The following FAF1 variants were observed in gnomAD, a reference collection of about 807,000 sequenced individuals.
FAF1 encodes the protein FAS-associated factor 1.
A neutral mutation model predicts 92.5 loss-of-function variants in FAF1; 25 were observed. That is an observed-to-expected ratio of 0.27 (90% CI 0.20 to 0.38). The LOEUF (loss-of-function observed/expected upper bound fraction) is 0.38. Ranked by LOEUF, FAF1 falls within the 10% of genes least tolerant of loss-of-function variation. FAF1 has a pLI of 1.00. For synonymous variants in FAF1, 234 were observed against 273.2 expected, an observed-to-expected ratio of 0.86 and a Z score of 1.42; for missense variants, 636 against 793.3, an observed-to-expected ratio of 0.80 and a Z score of 2.38.
chr1:50,887,761 T>C (rs974063061), intron 1 of FAF1, among the ~76,000 whole-genome samples: 5 of 152,258 alleles, frequency 3.3e-5, no homozygotes, highest in Admixed American at 1.3e-4. Context: ...ACCAGTACCA[T>C]GCTGTTTTGG....
chr1:50,797,875 G>A (rs528184302), intron 3 of FAF1, among the ~76,000 whole-genome samples: 6 of 152,196 alleles, frequency 3.9e-5, no homozygotes, highest in Middle Eastern at 3.4e-3. Flanking sequence ...CGATTTGGAA[G>A]CTCTATGTAG....
intron 15 of FAF1, among the ~76,000 whole-genome samples, chr1:50,507,776 G>C (rs542343158): frequency 6.6e-6 from 1 of 152,122 alleles, no homozygotes; most frequent in African/African-American, 2.4e-5. Context: ...AGCAGTGAAA[G>C]GTTTTTAAAA....
At chr1:50,767,006 T>C (rs1405718584) in intron 4 of FAF1, among the ~76,000 whole-genome samples, 21 of 152,002 alleles carry the variant, frequency 1.4e-4, no homozygotes. Context: ...ATTCAGAATA[T>C]GGATAAGAAT....
At chr1:50,760,887 A>G (rs1438669152) in intron 4 of FAF1, among the ~76,000 whole-genome samples, 4 of 152,122 alleles carry the variant, frequency 2.6e-5, no homozygotes, top group Non-Finnish European at 5.9e-5. Flanking sequence ...CAAAAAATTA[A>G]TGAATCCAGG....
At chr1:50,899,946 A>T (rs1422863706) in intron 1 of FAF1, among the ~76,000 whole-genome samples, 1 of 152,190 alleles carries the variant, frequency 6.6e-6, no homozygotes, top group South Asian at 2.1e-4. Context: ...CATTTATTAT[A>T]AAGTATTTTC....
intron 2 of FAF1, among the ~76,000 whole-genome samples, chr1:50,818,128 G>A (rs1327361981): frequency 2.0e-5 from 3 of 152,092 alleles, no homozygotes; most frequent in Non-Finnish European, 4.4e-5. Flanking sequence ...TTTTACAGTG[G>A]AAATGAGTTT....
intron 1 of FAF1, among the ~76,000 whole-genome samples, chr1:50,904,035 T>G (rs1173764227): frequency 6.6e-6 from 1 of 152,176 alleles, no homozygotes; most frequent in Non-Finnish European, 1.5e-5. Context: ...TTCCAAAAAC[T>G]AAATGAAAAC....
chr1:50,866,087 A>T (rs1223785749), intron 1 of FAF1, among the ~76,000 whole-genome samples: 1 of 152,156 alleles, frequency 6.6e-6, no homozygotes, highest in East Asian at 1.9e-4. Flanking sequence ...AAACAAAATT[A>T]AAAACAAACA....
At chr1:50,931,843 C>T (rs1262060346) in intron 1 of FAF1, among the ~76,000 whole-genome samples, 1 of 150,752 alleles carries the variant, frequency 6.6e-6, no homozygotes, top group Non-Finnish European at 1.5e-5. Context: ...CACTGCACTC[C>T]AGCCTGGGTG....
intron 1 of FAF1, among the ~76,000 whole-genome samples, chr1:50,920,855 G>A (rs2124732480): frequency 6.6e-6 from 1 of 152,188 alleles, no homozygotes; most frequent in African/African-American, 2.4e-5. Flanking sequence ...TAGGAAAAAG[G>A]TAAGAATGTA....
At chr1:50,479,207 C>G (rs1441351100) in intron 17 of FAF1, among the ~76,000 whole-genome samples, 1 of 152,200 alleles carries the variant, frequency 6.6e-6, no homozygotes, top group African/African-American at 2.4e-5. Context: ...TCACAGCATC[C>G]TTCTATAAGA....
intron 2 of FAF1, among the ~76,000 whole-genome samples, chr1:50,824,761 C>T (rs1644079620): frequency 1.3e-5 from 2 of 152,024 alleles, no homozygotes; most frequent in Admixed American, 1.3e-4. Context: ...GAATATGATT[C>T]AGCCTTAAAA....
chr1:50,586,980 T>C (rs987316240), intron 9 of FAF1, among the ~76,000 whole-genome samples: 11 of 152,222 alleles, frequency 7.2e-5, no homozygotes, highest in African/African-American at 2.7e-4. Flanking sequence ...TCACATCCTC[T>C]ATCAGGTAAG....
rs551475209 is a variant in FAF1, at chr1:50,821,227, G to T, written c.115-19550C>A. The stretch of plus-strand genomic sequence containing the variant: ...CTTTAAAAAAAATCTATTTTGTTGT[G>T]TGTTATATGCCAGTGGAGCATAAAT... On this transcript the variant is annotated intron_variant, in intron 2 of 18. Transcript: ENST00000396153. Among the ~76,000 whole-genome samples, 4 of 152,290 alleles carry T rather than the reference G, an allele frequency of 2.6e-5. No individual in the cohort carries two copies. In the South Asian group the frequency reaches 8.3e-4, roughly 32 times the overall value.
At chr1:50,705,676 T>C (rs1657644707) in intron 7 of FAF1, 110 bp downstream of exon 7, 2 of 560,072 alleles carry the variant, frequency 3.6e-6, no homozygotes, top group African/African-American at 1.9e-5. Context: ...AAGAACCCAA[T>C]AATGAAACAT....
chr1:50,867,464 A>G (rs1336124877), intron 1 of FAF1, among the ~76,000 whole-genome samples: 1 of 152,158 alleles, frequency 6.6e-6, no homozygotes, highest in African/African-American at 2.4e-5. Flanking sequence ...TCTGGAATCT[A>G]TAAGGAACTC....
intron 12 of FAF1, among the ~76,000 whole-genome samples, chr1:50,576,345 A>T (rs1231623830): frequency 2.0e-5 from 3 of 152,152 alleles, no homozygotes; most frequent in Non-Finnish European, 4.4e-5. Context: ...CCCTTAATTT[A>T]TGTATAATAT....
At chr1:50,581,693 G>A (rs1650992317) in intron 12 of FAF1, among the ~76,000 whole-genome samples, 3 of 152,178 alleles carry the variant, frequency 2.0e-5, no homozygotes, top group African/African-American at 7.2e-5. Context: ...GAGAAGGGGA[G>A]GAGGTGGAAA....
intron 4 of FAF1, among the ~76,000 whole-genome samples, chr1:50,775,436 T>C (rs893742742): frequency 4.6e-5 from 7 of 152,228 alleles, no homozygotes; most frequent in African/African-American, 1.7e-4. Flanking sequence ...CAAAATTTTA[T>C]GGGATCATAG....
Sources: gnomAD v4.1 joint callset for allele counts (sites outside exome capture counted in the v4.1 genomes callset) on GRCh38, gnomAD v4.1.1 for gene constraint, MANE v1.5 for transcripts, NCBI Gene and HGNC (gene_info 2026-07-23, HGNC 2026-07-21) for gene names.